BCAS3: variants seen among roughly 807,000 people sequenced by gnomAD.
The protein encoded by BCAS3 is BCAS3 microtubule associated cell migration factor, also known as BCAS4/BCAS3 fusion.
Under a neutral mutation model 116.1 loss-of-function variants are expected in BCAS3, and 53 were observed. The observed-to-expected ratio is 0.46, with a 90% confidence interval of 0.37 to 0.57. The LOEUF (loss-of-function observed/expected upper bound fraction) is 0.57. BCAS3 is among the 20% of genes least tolerant of loss of function. The pLI is 0.00. For missense variants in BCAS3, 917 were observed against 1,165.4 expected, an observed-to-expected ratio of 0.79 and a Z score of 3.10; for synonymous variants, 391 against 408.2, an observed-to-expected ratio of 0.96 and a Z score of 0.51.
At chr17:60,688,431 C>T (rs2034373920) in intron 3 of BCAS3, among the ~76,000 whole-genome samples, 1 of 152,028 alleles carries the variant, frequency 6.6e-6, no homozygotes. Context: ...TCCCTGGTAG[C>T]TGGGACTACA....
intron 22 of BCAS3, among the ~76,000 whole-genome samples, chr17:61,221,950 T>C (rs923165539): frequency 9.9e-5 from 15 of 152,182 alleles, no homozygotes; most frequent in African/African-American, 3.6e-4. Context: ...ATAAGTTTGT[T>C]GGGGATTAAA....
At chr17:60,918,515 T>G (rs949373351) in intron 12 of BCAS3, among the ~76,000 whole-genome samples, 2 of 152,222 alleles carry the variant, frequency 1.3e-5, no homozygotes, top group Non-Finnish European at 1.5e-5. Context: ...CACTCTACTA[T>G]GGAATGTTAG....
chr17:60,816,368 G>A (rs577435566), intron 7 of BCAS3, among the ~76,000 whole-genome samples: 52 of 148,118 alleles, frequency 3.5e-4, no homozygotes, highest in African/African-American at 1.3e-3. Context: ...TCCACCTCCC[G>A]GGTTCAAGCG....
intron 8 of BCAS3, among the ~76,000 whole-genome samples, chr17:60,872,562 C>T (rs2055210752): frequency 6.8e-6 from 1 of 147,782 alleles, no homozygotes; most frequent in Admixed American, 6.8e-5. Context: ...TACACACACC[C>T]CCATATATAT....
intron 22 of BCAS3, among the ~76,000 whole-genome samples, chr17:61,301,630 C>CA (rs1028563136): frequency 5.3e-4 from 81 of 151,798 alleles, no homozygotes; most frequent in Non-Finnish European, 5.4e-4. Flanking sequence ...GACTCTGTCT[C>CA]AAAAAAACAA....
chr17:61,188,391 G>A lies in BCAS3; in HGVS notation c.2425+103827G>A, dbSNP rs1164986388. On this transcript the variant is annotated intron_variant, in intron 22 of 23. Transcript: ENST00000407086. The surrounding 1 kb of genome is among the most constrained non-coding windows in gnomAD (Gnocchi z 4.0). ...GTATAATAAGAAGTGTGTTCTCCAT[G>A]GAATTTTTCAACAAGAGAGTTCCCA... 6.6e-6 allele frequency among the ~76,000 whole-genome samples: 1 copy of A among 152,280 alleles called. No individual in the cohort carries two copies. Among genetic ancestry groups the A allele is most frequent in the Middle Eastern group, 3.4e-3 (1 of 294 alleles).
Position 61,339,753 on chromosome 17 carries a change from G to C in BCAS3, c.2426-28574G>C, listed in dbSNP as rs930132243. Among the ~76,000 whole-genome samples the C allele has an allele frequency of 6.7e-6, 1 of 150,354 alleles. No homozygotes were observed. Among genetic ancestry groups the C allele is most frequent in the Non-Finnish European group, 1.5e-5 (1 of 67,738 alleles). On this transcript the variant is annotated intron_variant, in intron 22 of 23. Transcript: ENST00000407086. The surrounding 1 kb of genome is among the most constrained non-coding windows in gnomAD (Gnocchi z 4.4). ...TGTACTCCAGTCGGGGCGACAAAGCGAGACCCCATCTAAAAAAAAAAAAAA... is the reference window on the plus strand; with the variant it reads ...TGTACTCCAGTCGGGGCGACAAAGCCAGACCCCATCTAAAAAAAAAAAAAA...
At chr17:60,680,245 A>G (rs1258220500) in intron 2 of BCAS3, among the ~76,000 whole-genome samples, 1 of 152,056 alleles carries the variant, frequency 6.6e-6, no homozygotes, top group East Asian at 1.9e-4. Context: ...GTTCATGTGT[A>G]TGTATATATT....
Position 61,381,315 on chromosome 17 carries a change from G to A in BCAS3, c.2594-10662G>A, listed in dbSNP as rs995469196. On this transcript the variant is annotated intron_variant, in intron 23 of 23. Transcript: ENST00000407086. The surrounding 1 kb of genome is among the most constrained non-coding windows in gnomAD (Gnocchi z 6.0). The stretch of plus-strand genomic sequence containing the variant: ...TGAATTGAATAATGAATAGAGCCCC[G>A]GCACCAGCAGCCAGTCTGTGAGCAC... Among the ~76,000 whole-genome samples, 9 of 152,182 alleles carry A rather than the reference G, an allele frequency of 5.9e-5. No individual in the cohort carries two copies. The highest frequency in any genetic ancestry group is 2.9e-5 in the Non-Finnish European group (2 of 68,040).
intron 10 of BCAS3, among the ~76,000 whole-genome samples, chr17:60,896,261 G>T (rs1224301161): frequency 6.6e-6 from 1 of 152,208 alleles, no homozygotes; most frequent in Non-Finnish European, 1.5e-5. Context: ...GGAGGTGGAG[G>T]TTGTGGTGAG....
chr17:60,872,720 TAC>T (rs1348438046), intron 8 of BCAS3, among the ~76,000 whole-genome samples: 1 of 149,950 alleles, frequency 6.7e-6, no homozygotes, highest in East Asian at 2.0e-4. Flanking sequence ...TATACACATA[TAC>T]ACACACATAC....
intron 22 of BCAS3, among the ~76,000 whole-genome samples, chr17:61,242,008 G>A (rs1379545491): frequency 6.6e-6 from 1 of 152,132 alleles, no homozygotes; most frequent in Admixed American, 6.5e-5. Context: ...TGGGTGTGGT[G>A]GCTCACACCT....
chr17:61,214,724 C>A lies in BCAS3; in HGVS notation c.2425+130160C>A, dbSNP rs117188060. Among the ~76,000 whole-genome samples, 960 of 152,164 alleles carry A rather than the reference C, an allele frequency of 6.3e-3. 53 individuals carry two copies. The East Asian group carries it at 0.12, about 19-fold the overall frequency. ...AGAAAAAAAGAAAAAAATTCAAAAA[C>A]ATTTTTTAATGAACTATAGGGATAT... On this transcript the variant is annotated intron_variant, in intron 22 of 23. Coordinates refer to ENST00000407086, the MANE Select transcript of BCAS3 (RefSeq NM_017679.5). This position sits in a 1 kb window ranked among gnomAD's most constrained non-coding sequence, Gnocchi z 4.4.
In BCAS3 at chr17:61,367,027, G is replaced by A. The variant is rs2058777234; in HGVS notation, c.2426-1300G>A. Among the ~76,000 whole-genome samples, 1 of 152,230 alleles carries A rather than the reference G, an allele frequency of 6.6e-6. No homozygotes were observed. Among genetic ancestry groups the A allele is most frequent in the South Asian group, 2.1e-4 (1 of 4,830 alleles). On this transcript the variant is annotated intron_variant, in intron 22 of 23. Coordinates refer to ENST00000407086, the MANE Select transcript of BCAS3 (RefSeq NM_017679.5). The surrounding 1 kb of genome is among the most constrained non-coding windows in gnomAD (Gnocchi z 6.2). ...TATCAGAGGCAGGACCGCCTGCCGAGGCTGGGGCTCGCACCCTCTCTATTA... is the reference window on the plus strand; with the variant it reads ...TATCAGAGGCAGGACCGCCTGCCGAAGCTGGGGCTCGCACCCTCTCTATTA...
intron 6 of BCAS3, among the ~76,000 whole-genome samples, chr17:60,766,955 C>G (rs1000263981): frequency 3.9e-5 from 6 of 152,226 alleles, no homozygotes; most frequent in African/African-American, 1.4e-4. Context: ...TGATCTCGGA[C>G]TGCTGCTCTA....
At chr17:60,693,957 C>T (rs2035227837) in intron 4 of BCAS3, among the ~76,000 whole-genome samples, 1 of 143,304 alleles carries the variant, frequency 7.0e-6, no homozygotes, top group Non-Finnish European at 1.5e-5. Flanking sequence ...GTGATCTTGG[C>T]TCACTGCAAG....
At chr17:60,904,973 T>C (rs1420915718) in intron 11 of BCAS3, among the ~76,000 whole-genome samples, 1 of 152,228 alleles carries the variant, frequency 6.6e-6, no homozygotes, top group Non-Finnish European at 1.5e-5. Context: ...ATGCCTAATC[T>C]GGTTTGATGA....
At chr17:60,988,567 G>A (rs2063330188) in intron 14 of BCAS3, among the ~76,000 whole-genome samples, 2 of 151,620 alleles carry the variant, frequency 1.3e-5, no homozygotes, top group South Asian at 4.2e-4. Flanking sequence ...ATCTTCAGTC[G>A]CATTACTTGT....
At chr17:61,052,492 G>A (rs2068951104) in intron 19 of BCAS3, among the ~76,000 whole-genome samples, 1 of 152,078 alleles carries the variant, frequency 6.6e-6, no homozygotes, top group South Asian at 2.1e-4. Flanking sequence ...AGAAGTAAAA[G>A]CAAGTGATTA....
Sources: gnomAD v4.1 joint callset for allele counts (sites outside exome capture counted in the v4.1 genomes callset) on GRCh38, gnomAD v4.1.1 for gene constraint, Gnocchi (gnomAD v3.1) non-coding constraint, MANE v1.5 for transcripts, NCBI Gene and HGNC (gene_info 2026-07-23, HGNC 2026-07-21) for gene names.